Variants in PKD1 observed in about 807,000 individuals in gnomAD.
PKD1 encodes polycystin 1, transient receptor potential channel interacting, also known as polycystin-1.
A neutral mutation model predicts 361.7 loss-of-function variants in PKD1; 81 were observed. That is an observed-to-expected ratio of 0.22 (90% CI 0.19 to 0.27). The LOEUF (loss-of-function observed/expected upper bound fraction) is 0.27. Among genes scored for constraint, PKD1 ranks in the 10% least tolerant of loss-of-function variants. The probability of loss-of-function intolerance (pLI) is 1.00; values close to 1 mark genes in which losing one functional copy is unlikely to be tolerated. For synonymous variants in PKD1, 3,615 were observed against 2,818.3 expected (o/e 1.28, Z -8.95); for missense variants, 6,399 against 6,118.3 (o/e 1.05, Z -1.53).
chr16:2,093,965 G>A lies in PKD1; in HGVS notation c.10667C>T (p.Ser3556Phe), dbSNP rs767919680. ...GAGCAGGCTGAGCCCGTGGGCCAGG[G>A]AGGCACACCAGGCCGGCAGCAGGCG... is the stretch of plus-strand genomic sequence containing the variant. ...RKRLLPAWCASLAHGLSLLLV... is the reference protein window; with the variant it reads ...RKRLLPAWCAFLAHGLSLLLV... Residue 3556 changes from serine to phenylalanine, a missense_variant, in exon 36 of 46, where the codon TCC becomes TTC. Physicochemically the swap from Ser to Phe is radical, Grantham distance 155 (BLOSUM62 -2). Coordinates refer to ENST00000262304, the MANE Select transcript of PKD1 (RefSeq NM_001009944.3). The A allele has an allele frequency of 1.3e-6, 2 of 1,587,864 alleles. No homozygotes were observed. The highest frequency in any genetic ancestry group is 2.3e-5 in the East Asian group (1 of 44,034).
Position 2,093,914 on chromosome 16 carries a change from G to A in PKD1, c.10718C>T (p.Ser3573Leu), listed in dbSNP as rs749481901. 26 of 1,582,490 alleles carry A rather than the reference G, an allele frequency of 1.6e-5. No individual in the cohort carries two copies. Among genetic ancestry groups the A allele is most frequent in the Non-Finnish European group, 5.1e-6 (6 of 1,169,144 alleles). Reference protein sequence around the residue: ...LLLVAVAVAVSGWVGASFPPG... With the variant: ...LLLVAVAVAVLGWVGASFPPG... The stretch of plus-strand genomic sequence containing the variant: ...GGGGAAGCTCGCACCCACCCACCCT[G>A]AGACAGCCACAGCCACAGCCACCAG... Residue 3573 changes from serine (S) to leucine (L), a missense_variant, in exon 36 of 46, where the codon TCA (serine) becomes TTA (leucine). Transcript: ENST00000262304.
chr16:2,091,488 G>A lies in PKD1; in HGVS notation c.11647C>T (p.Leu3883Phe). The A allele has an allele frequency of 1.4e-6, 2 of 1,390,884 alleles. No homozygotes were observed. Among genetic ancestry groups the A allele is most frequent in the Non-Finnish European group, 1.9e-6 (2 of 1,079,856 alleles). 86.2% of individuals were successfully genotyped at this position (1,390,884 alleles called of 1,614,324 possible). The change falls in exon 42 of 46, where the codon CTC (leucine) becomes TTC (phenylalanine). Residue 3883 changes from leucine (L) to phenylalanine (F), a missense_variant. Leu to Phe is a conservative substitution (Grantham distance 22, BLOSUM62 0). Transcript: ENST00000262304. ...FPAAGRALAA[L>F]SVRPFALRRL... ...CGCAGCGCAAAGGGGCGGACGCTGA[G>A]GGCGGCCAGGGCGCGGCCGGCCGCC...
Position 2,112,824 on chromosome 16 carries a change from C to T in PKD1, c.3125G>A (p.Gly1042Asp). The T allele has an allele frequency of 1.2e-6, 2 of 1,601,166 alleles. No homozygotes were observed. The highest frequency in any genetic ancestry group is 1.3e-5 in the African/African-American group (1 of 74,982). Residue 1042 changes from glycine (G) to aspartate (D), a missense_variant, in exon 13 of 46, where the codon GGC (glycine) becomes GAC (aspartate). Physicochemically the swap from Gly to Asp is moderately conservative, Grantham distance 94. Coordinates refer to ENST00000262304, the MANE Select transcript of PKD1 (RefSeq NM_001009944.3). The part of the protein sequence containing the change: ...SPNATLALTA[G>D]VLVDSAVEVA... ...CTCCACGGCCGAGTCCACCAGCACG[C>T]CCGCCGTCAGTGCTAGCGTGGCATT... is the stretch of plus-strand genomic sequence containing the variant.
Position 2,108,136 on chromosome 16 carries a change from G to A in PKD1, c.6916-104C>T, listed in dbSNP as rs575547884. The A allele has an allele frequency of 1.6e-5, 23 of 1,481,006 alleles. No homozygotes were observed. The East Asian group carries it at 5.3e-4, about 34-fold the overall frequency. The allele number at this position is 1,481,006 out of a possible 1,614,324, so 91.7% of individuals were successfully genotyped here. ...GCGGGAGACCCCCTCCCCATGCTGG[G>A]ACGGGGCCCACCAGGCACTGAGGAC... On this transcript the variant is annotated intron_variant, in intron 15 of 45. Coordinates refer to ENST00000262304, the MANE Select transcript of PKD1 (RefSeq NM_001009944.3).
chr16:2,113,108 G>A lies in PKD1; in HGVS notation c.2985+53C>T, dbSNP rs1012003440. 4.5e-5 allele frequency: 33 copies of A among 736,550 alleles called. 1 individual carries two copies. The highest frequency in any genetic ancestry group is 9.5e-5 in the African/African-American group (5 of 52,788). 45.6% of individuals were successfully genotyped at this position (736,550 alleles called of 1,614,324 possible). On this transcript the variant is annotated intron_variant, in intron 12 of 45. Transcript: ENST00000262304. ...GAAGGCAGAGGTGAAGGTGGAGCCC[G>A]CCCCCGCCCTGCCCCGCCCCATCCC...
rs2092681141 is a variant in PKD1 at position 2,118,927 on chromosome 16, A to T, written c.360-82T>A. 1 of 683,978 alleles carries T rather than the reference A, an allele frequency of 1.5e-6. No homozygotes were observed. Among genetic ancestry groups the T allele is most frequent in the Non-Finnish European group, 2.5e-6 (1 of 403,008 alleles). 42.4% of individuals were successfully genotyped at this position (683,978 alleles called of 1,614,324 possible). On this transcript the variant is annotated intron_variant, in intron 3 of 45. Coordinates refer to ENST00000262304, the MANE Select transcript of PKD1 (RefSeq NM_001009944.3). This position sits in a 1 kb window ranked among gnomAD's most constrained non-coding sequence, Gnocchi z 6.0. The stretch of plus-strand genomic sequence containing the variant: ...CCCCCCACTGGCAACCAGGCCCTGG[A>T]GCCACCCTGACAGCACCGCCTCCCC...
chr16:2,112,753 G>A (rs1226361882), intron 13 of PKD1, 35 bp downstream of exon 13: 2 of 1,585,200 alleles, frequency 1.3e-6, no homozygotes, highest in African/African-American at 2.7e-5. Context: ...ACAAGAGCCT[G>A]GTGCCCACCC....
At chr16:2,123,261 C>G (rs965318090) in intron 1 of PKD1, among the ~76,000 whole-genome samples, 7 of 152,084 alleles carry the variant, frequency 4.6e-5, no homozygotes, top group African/African-American at 1.7e-4. Flanking sequence ...CCCGCTCGGC[C>G]GAGCTCCCAG....
At chr16:2,128,753 G>T (rs1330014521) in intron 1 of PKD1, among the ~76,000 whole-genome samples, 1 of 152,134 alleles carries the variant, frequency 6.6e-6, no homozygotes, top group Non-Finnish European at 1.5e-5. Flanking sequence ...CTCCCAGGCT[G>T]GAGTGCAATG....
intron 30 of PKD1, chr16:2,098,270 G>A (rs138036227): frequency 0.094 from 46,611 of 493,662 alleles, 2,603 homozygotes; most frequent in Middle Eastern, 0.18. Flanking sequence ...GTGCAATGGC[G>A]CAATCTCAGC....
rs1567179275 is a variant in PKD1, at chr16:2,104,219, TG to T, written c.8161+278del. Among the ~76,000 whole-genome samples the T allele has an allele frequency of 5.3e-4, 7 of 13,128 alleles. No individual in the cohort carries two copies. The Admixed American group carries it at 6.1e-3, about 11-fold the overall frequency. The allele number at this position is 13,128 out of a possible 152,430, so 8.6% of individuals were successfully genotyped here. Reference sequence around the variant, plus strand: ...GGGGGATAAGGGAGGGGAAGGGGGATGAGGGGGATGAGGAAGATGAGGGGAA... The same window carrying T: ...GGGGGATAAGGGAGGGGAAGGGGGATAGGGGGATGAGGAAGATGAGGGGAA... On this transcript the variant is annotated intron_variant, in intron 22 of 45. Transcript: ENST00000262304.
Position 2,102,931 on chromosome 16 carries a change from A to G in PKD1, c.8831T>C (p.Val2944Ala), listed in dbSNP as rs2151752189. ...GGGCCGGGGCTCCGAGTGTAGGTAG[A>G]CTGCCAGGTAGGGCTCAGGTTCCTC... is the stretch of plus-strand genomic sequence containing the variant. The part of the protein sequence containing the change: ...LSEEPEPYLA[V>A]YLHSEPRPNE... The change falls in exon 24 of 46, where the codon GTC becomes GCC. Residue 2944 changes from valine to alanine, a missense_variant. Coordinates refer to ENST00000262304, the MANE Select transcript of PKD1 (RefSeq NM_001009944.3). The G allele has an allele frequency of 6.2e-7, 1 of 1,608,652 alleles. No homozygotes were observed. Among genetic ancestry groups the G allele is most frequent in the East Asian group, 2.2e-5 (1 of 44,874 alleles).
intron 1 of PKD1, among the ~76,000 whole-genome samples, chr16:2,121,530 GCAACAGAAAC>G (rs1453729373): frequency 6.6e-6 from 1 of 152,186 alleles, no homozygotes; most frequent in East Asian, 1.9e-4. Flanking sequence ...TGAAGAAAAA[GCAACAGAAAC>G]CACAGGGCGG....
rs1487141714 is a variant in PKD1, at chr16:2,109,212, G to A, written c.5955C>T (p.Ala1985=). The change falls in exon 15 of 46, where the codon GCC becomes GCT. Residue 1985 remains alanine, a synonymous_variant. Transcript: ENST00000262304. The stretch of plus-strand genomic sequence containing the variant: ...CTGTGAAGTTCCTCTCAGTGCCCGT[G>A]GCGATGCCAGGCTCGCAGCAGTTGG... ...QVPNCCEPGI[A]TGTERNFTAR... is the part of the protein sequence containing the mutation. The A allele has an allele frequency of 6.3e-7, 1 of 1,594,224 alleles. No individual in the cohort carries two copies. The highest frequency in any genetic ancestry group is 2.2e-5 in the East Asian group (1 of 44,452).
Position 2,102,090 on chromosome 16 carries a change from A to T in PKD1, c.9368T>A (p.Leu3123His), listed in dbSNP as rs1201268584. The T allele has an allele frequency of 1.3e-6, 2 of 1,570,794 alleles. No homozygotes were observed. The highest frequency in any genetic ancestry group is 8.7e-7 in the Non-Finnish European group (1 of 1,154,700). Residue 3123 changes from leucine to histidine, a missense_variant, in exon 26 of 46, where the codon CTC becomes CAC. Leu to His is a moderately conservative substitution (Grantham distance 99, BLOSUM62 -3). Transcript: ENST00000262304. ...GCCCCGGCCCCAGCCTGTCTTGACG[A>T]GGATCTCGTACTTGAAGCGGCCCCG... ...GQRGRFKYEILVKTGWGRGSG... is the reference protein window; with the variant it reads ...GQRGRFKYEIHVKTGWGRGSG...
Position 2,090,888 on chromosome 16 carries a change from A to C in PKD1, c.11999T>G (p.Val4000Gly). 2 of 1,603,304 alleles carry C rather than the reference A, an allele frequency of 1.2e-6. No homozygotes were observed. Among genetic ancestry groups the C allele is most frequent in the Non-Finnish European group, 1.7e-6 (2 of 1,179,296 alleles). Residue 4000 changes from valine (V) to glycine (G), a missense_variant, in exon 43 of 46, where the codon GTC (valine) becomes GGC (glycine). Coordinates refer to ENST00000262304, the MANE Select transcript of PKD1 (RefSeq NM_001009944.3). ...GCCCACCGGCCCAGCCCTCACCTTG[A>C]CCAAAAGCAGGAAGAGCAGCGAGGC... ...LAASLLFLLL[V>G]KAAQQLRFVR...
rs566545086 is a variant in PKD1, at chr16:2,099,514, G to C, written c.10050+130C>G. The C allele has an allele frequency of 9.0e-5, 67 of 744,366 alleles. No homozygotes were observed. In the African/African-American group the frequency reaches 9.5e-4, roughly 11 times the overall value. 46.1% of individuals were successfully genotyped at this position (744,366 alleles called of 1,614,324 possible). A position where few individuals can be genotyped will look rare whatever the true frequency, so the allele number is the denominator to read the frequency against. On this transcript the variant is annotated intron_variant, in intron 30 of 45. Coordinates refer to ENST00000262304, the MANE Select transcript of PKD1 (RefSeq NM_001009944.3). Reference sequence around the variant, plus strand: ...CTAGCTAAGGCTGCTCAAGTGTGTTGACCCTTCCCGAGCAGCCTTTGGTGG... The same window carrying C: ...CTAGCTAAGGCTGCTCAAGTGTGTTCACCCTTCCCGAGCAGCCTTTGGTGG...
Position 2,112,954 on chromosome 16 carries a change from A to C in PKD1, c.2995T>G (p.Ser999Ala). ...AAVFKLSLTASNHVSNVTVNY... is the reference protein window; with the variant it reads ...AAVFKLSLTAANHVSNVTVNY... ...ACGGTGACGTTGCTCACGTGGTTGG[A>C]GGCCGTCAGCTGCAGGGACAGGCGT... The change falls in exon 13 of 46, where the codon TCC (serine) becomes GCC (alanine). Residue 999 changes from serine (S) to alanine (A), a missense_variant. Physicochemically the swap from Ser to Ala is moderately conservative, Grantham distance 99. Transcript: ENST00000262304. The C allele has an allele frequency of 6.2e-7, 1 of 1,600,200 alleles. No individual in the cohort carries two copies. Among genetic ancestry groups the C allele is most frequent in the Non-Finnish European group, 8.5e-7 (1 of 1,179,684 alleles).
chr16:2,121,924 G>C (rs1043261596), intron 1 of PKD1, among the ~76,000 whole-genome samples: 1 of 152,194 alleles, frequency 6.6e-6, no homozygotes, highest in Non-Finnish European at 1.5e-5. Context: ...CCAGCCCCAA[G>C]CCGGGGCGGC....
Sources: gnomAD v4.1 joint callset for allele counts (sites outside exome capture counted in the v4.1 genomes callset) on GRCh38, gnomAD v4.1.1 for gene constraint, Gnocchi (gnomAD v3.1) non-coding constraint, MANE v1.5 for transcripts, NCBI Gene and HGNC (gene_info 2026-07-23, HGNC 2026-07-21) for gene names.